EIF4E: variants seen among roughly 807,000 people sequenced by gnomAD.
EIF4E encodes eukaryotic translation initiation factor 4E.
For synonymous variants in EIF4E, 71 were observed against 88.5 expected, an observed-to-expected ratio of 0.80 and a Z score of 1.11; for missense variants, 113 against 265.6, an observed-to-expected ratio of 0.43 and a Z score of 3.99.
intron 2 of EIF4E, among the ~76,000 whole-genome samples, chr4:98,894,054 A>G (rs1724261760): frequency 6.6e-6 from 1 of 152,250 alleles, no homozygotes; most frequent in Admixed American, 6.5e-5. Flanking sequence ...AGGAGCAGTG[A>G]TATTTTGAAA....
At chr4:98,923,392 T>C (rs1219249747) in intron 1 of EIF4E, among the ~76,000 whole-genome samples, 1 of 151,992 alleles carries the variant, frequency 6.6e-6, no homozygotes, top group Non-Finnish European at 1.5e-5. Flanking sequence ...CACAGCTCAC[T>C]GCAGCTCTGA....
At chr4:98,881,217 A>C (rs1228520107) in intron 6 of EIF4E, 75 bp from the exon 7 acceptor site, 49 of 1,537,146 alleles carry the variant, frequency 3.2e-5, no homozygotes, top group Non-Finnish European at 4.2e-5. Context: ...TTAAAAATTT[A>C]GGGTTATTAG....
chr4:98,915,849 T>A (rs1002584734), intron 1 of EIF4E, among the ~76,000 whole-genome samples: 4 of 151,698 alleles, frequency 2.6e-5, no homozygotes, highest in African/African-American at 9.7e-5. Flanking sequence ...GCCGTTATCT[T>A]TAATAATACT....
At chr4:98,882,737 T>C (rs1455784307) in intron 6 of EIF4E, among the ~76,000 whole-genome samples, 3 of 151,962 alleles carry the variant, frequency 2.0e-5, no homozygotes, top group African/African-American at 4.8e-5. Context: ...AAATCTTCGT[T>C]TGAAAATCTG....
chr4:98,892,703 A>C (rs947355394), intron 2 of EIF4E, among the ~76,000 whole-genome samples: 17 of 149,800 alleles, frequency 1.1e-4, no homozygotes, highest in East Asian at 9.9e-4. Flanking sequence ...AAAAAAAAGA[A>C]GGCGAGAAAC....
chr4:98,903,181 A>G (rs1724721359), intron 1 of EIF4E, among the ~76,000 whole-genome samples: 1 of 152,198 alleles, frequency 6.6e-6, no homozygotes, highest in Non-Finnish European at 1.5e-5. Context: ...AGCCAAAGAA[A>G]GGCACTAGGA....
chr4:98,919,122 C>T lies in EIF4E; in HGVS notation c.18+9973G>A, dbSNP rs117964288. Among the ~76,000 whole-genome samples, 1,475 of 152,160 alleles carry T rather than the reference C, an allele frequency of 9.7e-3. 63 individuals carry two copies. The highest frequency in any genetic ancestry group is 0.073 in the Admixed American group (1,119 of 15,274). On this transcript the variant is annotated intron_variant, in intron 1 of 6. Coordinates refer to ENST00000450253, the MANE Select transcript of EIF4E (RefSeq NM_001968.5). ...AAGAGATCAAGACCATCCTAGCCAA[C>T]GTGGTGAAATGCTGTCTCTACTAAA...
chr4:98,887,320 G>T lies in EIF4E; in HGVS notation c.286-128C>A, dbSNP rs542250037. Reference sequence around the variant, plus strand: ...TATTGCCCATAAAACTGCCATTGATGTAGTTTTTAAACAGCACATAAGACT... The same window carrying T: ...TATTGCCCATAAAACTGCCATTGATTTAGTTTTTAAACAGCACATAAGACT... On this transcript the variant is annotated intron_variant, in intron 4 of 6. Coordinates refer to ENST00000450253, the MANE Select transcript of EIF4E (RefSeq NM_001968.5). The surrounding 1 kb of genome is among the most constrained non-coding windows in gnomAD (Gnocchi z 4.0). 2.1e-5 allele frequency: 21 copies of T among 982,260 alleles called. No individual in the cohort carries two copies. Among genetic ancestry groups the T allele is most frequent in the Middle Eastern group, 2.1e-4 (1 of 4,722 alleles). The allele number at this position is 982,260 out of a possible 1,614,324, so 60.8% of individuals were successfully genotyped here.
chr4:98,885,860 C>A (rs1448687192), intron 5 of EIF4E, among the ~76,000 whole-genome samples: 1 of 152,102 alleles, frequency 6.6e-6, no homozygotes, highest in Non-Finnish European at 1.5e-5. Context: ...TACAACCATC[C>A]CTACTACCAT....
At chr4:98,892,891 T>A (rs986188704) in intron 2 of EIF4E, among the ~76,000 whole-genome samples, 2 of 152,184 alleles carry the variant, frequency 1.3e-5, no homozygotes, top group Non-Finnish European at 2.9e-5. Context: ...TTTTAATATA[T>A]CTGTATATAC....
At chr4:98,920,505 G>C (rs1313591940) in intron 1 of EIF4E, among the ~76,000 whole-genome samples, 1 of 151,902 alleles carries the variant, frequency 6.6e-6, no homozygotes, top group East Asian at 1.9e-4. Context: ...ATTTTGGCCA[G>C]GCTGGTCTCG....
intron 1 of EIF4E, 65 bp downstream of exon 1, chr4:98,929,030 C>G: frequency 6.4e-7 from 1 of 1,568,466 alleles, no homozygotes; most frequent in Non-Finnish European, 8.6e-7. Context: ...CCCGCGGAGT[C>G]CCCCAGTCAG....
chr4:98,887,977 A>AAATGAATACACAG lies in EIF4E; in HGVS notation c.222-26_222-25insCTGTGTATTCATT. 1.3e-6 allele frequency: 2 copies of AAATGAATACACAG among 1,583,006 alleles called. No individual in the cohort carries two copies. Among genetic ancestry groups the AAATGAATACACAG allele is most frequent in the Non-Finnish European group, 1.7e-6 (2 of 1,154,654 alleles). ...ACTAGGTAAAAGAAAATAACAATTAAAAACACAGAATATGTAATATAGAGT... is the reference window on the plus strand; with the variant it reads ...ACTAGGTAAAAGAAAATAACAATTAAAATGAATACACAGAAACACAGAATATGTAATATAGAGT... On this transcript the variant is annotated intron_variant, in intron 3 of 6. Transcript: ENST00000450253. This position sits in a 1 kb window ranked among gnomAD's most constrained non-coding sequence, Gnocchi z 4.0.
At chr4:98,891,788 G>A (rs1368732202) in intron 2 of EIF4E, among the ~76,000 whole-genome samples, 1 of 152,180 alleles carries the variant, frequency 6.6e-6, no homozygotes, top group Non-Finnish European at 1.5e-5. Flanking sequence ...AGTTAATACT[G>A]TAAATGTTTA....
At chr4:98,911,489 A>G (rs112076614) in intron 1 of EIF4E, among the ~76,000 whole-genome samples, 10,134 of 149,556 alleles carry the variant, frequency 0.068, 1,114 homozygotes, top group African/African-American at 0.23. Context: ...GAGAAATCCC[A>G]TCTCTACTAA....
At chr4:98,896,906 C>G (rs1187109565) in intron 2 of EIF4E, among the ~76,000 whole-genome samples, 2 of 151,818 alleles carry the variant, frequency 1.3e-5, no homozygotes, top group African/African-American at 2.4e-5. Flanking sequence ...TGCAGTGAGC[C>G]GAGATTACAC....
chr4:98,895,445 A>G (rs1266330223), intron 2 of EIF4E: 1 of 152,254 alleles, frequency 6.6e-6, no homozygotes, highest in Non-Finnish European at 1.5e-5. Flanking sequence ...TCTGAATTAC[A>G]ATACCAAAGG....
intron 1 of EIF4E, chr4:98,926,456 C>G (rs1474523484): frequency 6.6e-6 from 1 of 152,186 alleles, no homozygotes; most frequent in Admixed American, 6.6e-5. Context: ...GCAGGAGAAT[C>G]GATTGAACCC....
At chr4:98,914,042 G>C (rs1275116305) in intron 1 of EIF4E, among the ~76,000 whole-genome samples, 1 of 149,732 alleles carries the variant, frequency 6.7e-6, no homozygotes, top group East Asian at 2.0e-4. Context: ...GCAGATTACA[G>C]AACCATATAA....
Sources: gnomAD v4.1 joint callset for allele counts (sites outside exome capture counted in the v4.1 genomes callset) on GRCh38, gnomAD v4.1.1 for gene constraint, Gnocchi (gnomAD v3.1) non-coding constraint, MANE v1.5 for transcripts, NCBI Gene and HGNC (gene_info 2026-07-23, HGNC 2026-07-21) for gene names.